Variants in PRELID2 observed in about 807,000 individuals in gnomAD.
The protein encoded by PRELID2 is PRELI domain-containing protein 2.
Under a neutral mutation model 28.4 loss-of-function variants are expected in PRELID2, and 25 were observed. The ratio of observed to expected loss-of-function variants is 0.88; its 90% CI spans 0.64 to 1.23. The LOEUF (loss-of-function observed/expected upper bound fraction) is 1.23, where lower values mean the gene tolerates loss of function less well. PRELID2 is among the 50% of genes most tolerant of loss of function. The pLI is 0.00. For missense variants in PRELID2, 201 were observed against 214.4 expected (o/e 0.94, Z 0.39); for synonymous variants, 76 against 71.6 (o/e 1.06, Z -0.31).
chr5:145,672,290 C>G (rs1406838991), intron 1 of PRELID2, among the ~76,000 whole-genome samples: 1 of 152,094 alleles, frequency 6.6e-6, no homozygotes, highest in Non-Finnish European at 1.5e-5. Flanking sequence ...AGAGAGGATT[C>G]AGAATTCTCA....
chr5:145,437,270 C>T, the PRELID2 span: 2 of 152,148 alleles, frequency 1.3e-5, no homozygotes, highest in African/African-American at 4.8e-5. Flanking sequence ...TAACTCAAGG[C>T]ATGCATATAA....
At position 145,758,099 on chromosome 5, in the gene PRELID2, GT is replaced by G. The variant is rs1285673515; in HGVS notation, c.*2436del. 6.6e-6 allele frequency among the ~76,000 whole-genome samples: 1 copy of G among 152,038 alleles called. No homozygotes were observed. Among genetic ancestry groups the G allele is most frequent in the Non-Finnish European group, 1.5e-5 (1 of 68,004 alleles). ...CTAAAAACTACTGGCTGGCAAACAT[GT>G]TTTTTGTTTTGGCCAGCACAATGTT... On this transcript the variant is annotated 3_prime_UTR_variant, in exon 7 of 7. Coordinates refer to ENST00000683046, the MANE Select transcript of PRELID2 (RefSeq NM_205846.3).
chr5:145,709,251 C>G (rs554570124), intron 1 of PRELID2, among the ~76,000 whole-genome samples: 6 of 152,326 alleles, frequency 3.9e-5, no homozygotes, highest in Admixed American at 6.5e-5. Flanking sequence ...TGCTTCTTCA[C>G]CAATACCTCT....
At chr5:145,716,707 A>G (rs1439701158) in intron 1 of PRELID2, among the ~76,000 whole-genome samples, 3 of 152,158 alleles carry the variant, frequency 2.0e-5, no homozygotes, top group Non-Finnish European at 4.4e-5. Flanking sequence ...CTATTATATT[A>G]TAACCATTTT....
chr5:145,383,028 C>T, the PRELID2 span, among the ~76,000 whole-genome samples: 1 of 151,678 alleles, frequency 6.6e-6, no homozygotes, highest in Non-Finnish European at 1.5e-5. Flanking sequence ...TTGAAAGACT[C>T]AACATTGTTA....
At chr5:145,291,729 G>A in the PRELID2 span, among the ~76,000 whole-genome samples, 11 of 152,010 alleles carry the variant, frequency 7.2e-5, no homozygotes. Context: ...ATTTTCTCCT[G>A]CTTTTCCCTA....
chr5:145,248,897 C>A, the PRELID2 span, among the ~76,000 whole-genome samples: 1 of 152,130 alleles, frequency 6.6e-6, no homozygotes, highest in Admixed American at 6.6e-5. Flanking sequence ...CAGGTGCCAA[C>A]AACTAAATTT....
At chr5:145,473,503 T>C (rs191058847) in intron 1 of PRELID2, among the ~76,000 whole-genome samples, 223 of 152,286 alleles carry the variant, frequency 1.5e-3, no homozygotes, top group African/African-American at 5.2e-3. Flanking sequence ...TTCACAGATG[T>C]GTAGAGTGAA....
At chr5:145,251,883 C>T in the PRELID2 span, among the ~76,000 whole-genome samples, 1 of 152,072 alleles carries the variant, frequency 6.6e-6, no homozygotes, top group Non-Finnish European at 1.5e-5. Flanking sequence ...CTCTATTGAC[C>T]TCATCTGTCA....
intron 1 of PRELID2, among the ~76,000 whole-genome samples, chr5:145,575,862 C>T (rs1036005891): frequency 3.3e-5 from 5 of 152,090 alleles, no homozygotes; most frequent in Admixed American, 2.6e-4. Context: ...TGCATCACTC[C>T]TTTTCTTGCT....
intron 1 of PRELID2, among the ~76,000 whole-genome samples, chr5:145,701,867 T>G (rs187892099): frequency 6.6e-6 from 1 of 151,908 alleles, no homozygotes; most frequent in South Asian, 2.1e-4. Context: ...GCCTGACCAA[T>G]GTGGTGAAAC....
intron 1 of PRELID2, among the ~76,000 whole-genome samples, chr5:145,541,534 G>C (rs1400794771): frequency 6.6e-6 from 1 of 152,016 alleles, no homozygotes; most frequent in Non-Finnish European, 1.5e-5. Context: ...GATGCAGAAT[G>C]ATTCCATGAT....
chr5:145,443,063 C>T, the PRELID2 span, among the ~76,000 whole-genome samples: 1 of 152,018 alleles, frequency 6.6e-6, no homozygotes, highest in Non-Finnish European at 1.5e-5. Flanking sequence ...CTATGAACAT[C>T]TGCTTTTCTG....
the PRELID2 span, among the ~76,000 whole-genome samples, chr5:145,231,375 A>T: frequency 6.6e-6 from 1 of 152,158 alleles, no homozygotes. Flanking sequence ...ACTGAACCCA[A>T]AAGATTACCC....
the PRELID2 span, among the ~76,000 whole-genome samples, chr5:145,460,233 G>T: frequency 6.6e-6 from 1 of 152,136 alleles, no homozygotes; most frequent in African/African-American, 2.4e-5. Flanking sequence ...TACGTTTCAG[G>T]TTGGGCCAGT....
intron 5 of PRELID2, among the ~76,000 whole-genome samples, chr5:145,793,407 C>T (rs977035006): frequency 6.6e-6 from 1 of 152,062 alleles, no homozygotes; most frequent in African/African-American, 2.4e-5. Context: ...ACCTAAAACA[C>T]TCTTATGGTG....
At chr5:145,793,007 C>T (rs143347010) in intron 5 of PRELID2, among the ~76,000 whole-genome samples, 214 of 152,302 alleles carry the variant, frequency 1.4e-3, no homozygotes, top group African/African-American at 4.7e-3. Flanking sequence ...AGAACCACTC[C>T]GTTTCAAGGA....
chr5:145,447,299 T>C, the PRELID2 span, among the ~76,000 whole-genome samples: 1 of 151,874 alleles, frequency 6.6e-6, no homozygotes, highest in African/African-American at 2.4e-5. Flanking sequence ...ATAATTCACC[T>C]GGCTTAACCC....
the PRELID2 span, among the ~76,000 whole-genome samples, chr5:145,288,452 C>A: frequency 6.6e-6 from 1 of 152,106 alleles, no homozygotes; most frequent in East Asian, 1.9e-4. Context: ...TGTTTCTGAG[C>A]AGTTTCTTAA....
Sources: gnomAD v4.1 joint callset for allele counts (sites outside exome capture counted in the v4.1 genomes callset) on GRCh38, gnomAD v4.1.1 for gene constraint, MANE v1.5 for transcripts, NCBI Gene and HGNC (gene_info 2026-07-23, HGNC 2026-07-21) for gene names.